The following SAMD12 variants were observed in gnomAD, a reference collection of about 807,000 sequenced individuals.
SAMD12 encodes sterile alpha motif domain-containing protein 12.
A neutral mutation model predicts 15.0 loss-of-function variants in SAMD12; 9 were observed. The ratio of observed to expected loss-of-function variants is 0.60; its 90% CI spans 0.36 to 1.05. The LOEUF (loss-of-function observed/expected upper bound fraction) is 1.05, where lower values mean the gene tolerates loss of function less well. Ranked by LOEUF, SAMD12 falls within the 50% of genes least tolerant of loss-of-function variation. SAMD12 has a pLI of 0.01. For synonymous variants in SAMD12, 86 were observed against 90.1 expected (o/e 0.96, Z 0.25); for missense variants, 230 against 234.2 (o/e 0.98, Z 0.12).
At chr8:118,389,374 C>G (rs1820146619) in intron 3 of SAMD12, among the ~76,000 whole-genome samples, 1 of 152,088 alleles carries the variant, frequency 6.6e-6, no homozygotes, top group African/African-American at 2.4e-5. Context: ...GAGAACTGCC[C>G]TAAGGGATGA....
At chr8:118,517,631 A>T (rs1258084937) in intron 2 of SAMD12, among the ~76,000 whole-genome samples, 4 of 152,244 alleles carry the variant, frequency 2.6e-5, no homozygotes. Context: ...GGTGCTGCCC[A>T]TCAGGAGGAT....
intron 2 of SAMD12, among the ~76,000 whole-genome samples, chr8:118,532,912 G>A (rs1825730896): frequency 6.6e-6 from 1 of 151,892 alleles, no homozygotes; most frequent in African/African-American, 2.4e-5. Flanking sequence ...TTAATTTTTT[G>A]AAGGGTTTTT....
At chr8:118,448,855 C>T (rs1184371595) in intron 2 of SAMD12, among the ~76,000 whole-genome samples, 1 of 152,176 alleles carries the variant, frequency 6.6e-6, no homozygotes, top group African/African-American at 2.4e-5. Flanking sequence ...AAACGTATTT[C>T]TAAATTCACT....
chr8:118,237,761 G>T (rs1317708427), intron 4 of SAMD12, among the ~76,000 whole-genome samples: 1 of 152,106 alleles, frequency 6.6e-6, no homozygotes, highest in Non-Finnish European at 1.5e-5. Flanking sequence ...GCAAATATAA[G>T]AATCAAATGT....
intron 4 of SAMD12, among the ~76,000 whole-genome samples, chr8:118,316,162 C>G (rs1815889328): frequency 6.6e-6 from 1 of 152,026 alleles, no homozygotes; most frequent in Non-Finnish European, 1.5e-5. Flanking sequence ...TAGACGACTA[C>G]CAGACAAGGT....
intron 4 of SAMD12, among the ~76,000 whole-genome samples, chr8:118,213,087 A>G (rs1811876489): frequency 6.6e-6 from 1 of 152,188 alleles, no homozygotes. Context: ...TTTAAATCTG[A>G]ATCTTGTAGG....
chr8:118,480,135 C>T (rs1824084648), intron 2 of SAMD12, among the ~76,000 whole-genome samples: 1 of 152,146 alleles, frequency 6.6e-6, no homozygotes, highest in African/African-American at 2.4e-5. Context: ...TCTTTCATTC[C>T]AGCTTCAGTA....
At chr8:118,301,018 G>T (rs1814993624) in intron 4 of SAMD12, among the ~76,000 whole-genome samples, 1 of 152,168 alleles carries the variant, frequency 6.6e-6, no homozygotes, top group African/African-American at 2.4e-5. Flanking sequence ...AGGTTAAAAG[G>T]TTTAAAGATG....
At chr8:118,151,443 A>T in the SAMD12 span, among the ~76,000 whole-genome samples, 4 of 152,214 alleles carry the variant, frequency 2.6e-5, no homozygotes, top group South Asian at 8.3e-4. Flanking sequence ...GTAATGCTCT[A>T]TTCATTTTTA....
chr8:118,512,562 T>A (rs1825117052), intron 2 of SAMD12, among the ~76,000 whole-genome samples: 1 of 152,330 alleles, frequency 6.6e-6, no homozygotes, highest in Non-Finnish European at 1.5e-5. Context: ...AAAATCAGAC[T>A]GTTGTTAGAA....
chr8:118,617,076 C>T (rs915529300), intron 1 of SAMD12, among the ~76,000 whole-genome samples: 1 of 152,214 alleles, frequency 6.6e-6, no homozygotes, highest in Non-Finnish European at 1.5e-5. Flanking sequence ...CGGGTAAGTT[C>T]ACTGCTGCAT....
chr8:118,497,723 C>CGGGGGGG lies in SAMD12; in HGVS notation c.193-57769_193-57763dup, dbSNP rs57304177. ...CTGGAATCTAAAATAACTTAAGTTGCGGGGGGGGGTGGGGGGAAAGAAAAA... is the reference window on the plus strand; with the variant it reads ...CTGGAATCTAAAATAACTTAAGTTGCGGGGGGGGGGGGGGGGTGGGGGGAAAGAAAAA... On this transcript the variant is annotated intron_variant, in intron 2 of 3. Coordinates refer to ENST00000314727, the MANE Select transcript of SAMD12 (RefSeq NM_207506.3). Among the ~76,000 whole-genome samples, 36 of 58,778 alleles carry CGGGGGGG rather than the reference C, an allele frequency of 6.1e-4. 1 individual carries two copies. The highest frequency in any genetic ancestry group is 2.2e-3 in the African/African-American group (35 of 15,620). 38.6% of individuals were successfully genotyped at this position (58,778 alleles called of 152,430 possible). A position where few individuals can be genotyped will look rare whatever the true frequency, so the allele number is the denominator to read the frequency against.
intron 2 of SAMD12, among the ~76,000 whole-genome samples, chr8:118,510,697 T>C (rs1947649784): frequency 6.6e-6 from 1 of 152,150 alleles, no homozygotes; most frequent in Non-Finnish European, 1.5e-5. Context: ...ATTTAGGTAT[T>C]ACAGCCTGGC....
intron 4 of SAMD12, among the ~76,000 whole-genome samples, chr8:118,353,282 T>A (rs3902627): frequency 6.7e-6 from 1 of 149,040 alleles, no homozygotes. Flanking sequence ...AGTAAACTGG[T>A]TTTCCTTTTA....
At chr8:118,608,793 T>G (rs745503202) in intron 1 of SAMD12, among the ~76,000 whole-genome samples, 76 of 152,012 alleles carry the variant, frequency 5.0e-4, no homozygotes, top group Non-Finnish European at 9.1e-4. Context: ...AAAGGTACCA[T>G]GTGTGAGCAT....
intron 4 of SAMD12, among the ~76,000 whole-genome samples, chr8:118,330,251 C>T (rs68072805): frequency 0.12 from 18,226 of 152,210 alleles, 1,202 homozygotes; most frequent in African/African-American, 0.14. Flanking sequence ...GAGACACAGG[C>T]CTTGATGCAA....
chr8:118,142,966 A>G, the SAMD12 span, among the ~76,000 whole-genome samples: 3 of 152,254 alleles, frequency 2.0e-5, no homozygotes, highest in Non-Finnish European at 4.4e-5. Flanking sequence ...GGCACCGGCC[A>G]GGGCCTGTTT....
intron 3 of SAMD12, among the ~76,000 whole-genome samples, chr8:118,432,210 G>C (rs1338946299): frequency 6.6e-6 from 1 of 152,082 alleles, no homozygotes; most frequent in East Asian, 1.9e-4. Context: ...TTTCCTATTT[G>C]ATAAACCTAA....
chr8:118,465,947 G>A (rs1276900216), intron 2 of SAMD12, among the ~76,000 whole-genome samples: 1 of 152,116 alleles, frequency 6.6e-6, no homozygotes, highest in Admixed American at 6.6e-5. Context: ...TAGTTTCTCA[G>A]ATGGATCTTT....
Sources: gnomAD v4.1 joint callset for allele counts (sites outside exome capture counted in the v4.1 genomes callset) on GRCh38, gnomAD v4.1.1 for gene constraint, MANE v1.5 for transcripts, NCBI Gene and HGNC (gene_info 2026-07-23, HGNC 2026-07-21) for gene names.